UNKL: variants seen among roughly 807,000 people sequenced by gnomAD.
UNKL encodes the protein unk like zinc finger.
A neutral mutation model predicts 78.0 loss-of-function variants in UNKL; 60 were observed. That is an observed-to-expected ratio of 0.77 (90% CI 0.63 to 0.95). The LOEUF (loss-of-function observed/expected upper bound fraction) is 0.95, where lower values mean the gene tolerates loss of function less well. UNKL is among the 40% of genes least tolerant of loss of function. The probability of loss-of-function intolerance (pLI) is 0.00; values close to 1 mark genes in which losing one functional copy is unlikely to be tolerated. For missense variants in UNKL, 1,159 were observed against 1,045.7 expected (o/e 1.11, Z -1.49); for synonymous variants, 608 against 474.8 (o/e 1.28, Z -3.65).
chr16:1,377,455 A>T (rs1327544503), intron 10 of UNKL, among the ~76,000 whole-genome samples: 1 of 151,842 alleles, frequency 6.6e-6, no homozygotes, highest in African/African-American at 2.4e-5. Context: ...TGCTGTGCAC[A>T]GCCCTCCCTC....
chr16:1,396,679 C>T (rs971022522), intron 6 of UNKL, among the ~76,000 whole-genome samples: 3 of 152,078 alleles, frequency 2.0e-5, no homozygotes, highest in East Asian at 1.9e-4. Flanking sequence ...CTGCAAGCTC[C>T]GCCTCCTGGG....
In UNKL at chr16:1,366,013, A is replaced by C; in HGVS notation, c.*227T>G. The C allele has an allele frequency of 2.2e-6, 1 of 462,808 alleles. No homozygotes were observed. Among genetic ancestry groups the C allele is most frequent in the African/African-American group, 2.0e-5 (1 of 50,508 alleles). 28.7% of individuals were successfully genotyped at this position (462,808 alleles called of 1,614,324 possible). Reference sequence around the variant, plus strand: ...GTTTGCATTTAAGGTTTTTGAGGAAAATACCTTGAAACCGTCGGTAGGACT... The same window carrying C: ...GTTTGCATTTAAGGTTTTTGAGGAACATACCTTGAAACCGTCGGTAGGACT... On this transcript the variant is annotated 3_prime_UTR_variant, in exon 15 of 15. Coordinates refer to ENST00000389221, the MANE Select transcript of UNKL (RefSeq NM_001372107.1).
chr16:1,395,932 TC>T, intron 6 of UNKL: 1 of 367,042 alleles, frequency 2.7e-6, no homozygotes, highest in Non-Finnish European at 5.6e-6. Context: ...CCTGCACGCC[TC>T]CCCCTTGGCT....
intron 2 of UNKL, chr16:1,405,869 A>C (rs1016339130): frequency 2.2e-6 from 1 of 445,722 alleles, no homozygotes; most frequent in African/African-American, 2.0e-5. Context: ...CAGATCCTGG[A>C]GTGCAAGAAG....
At chr16:1,376,968 C>A (rs1365504615) in intron 10 of UNKL, among the ~76,000 whole-genome samples, 1 of 152,060 alleles carries the variant, frequency 6.6e-6, no homozygotes, top group Non-Finnish European at 1.5e-5. Context: ...TGTTTCCCTG[C>A]AACGCCACGT....
intron 5 of UNKL, 43 bp from the exon 6 acceptor site, chr16:1,397,338 C>T: frequency 2.1e-6 from 1 of 465,298 alleles, no homozygotes; most frequent in African/African-American, 3.6e-5. Context: ...GGACTTGGCT[C>T]CCCGCCCCCC....
At chr16:1,370,545 T>C (rs999340627) in intron 11 of UNKL, among the ~76,000 whole-genome samples, 188 bp from the exon 12 acceptor site, 5 of 152,080 alleles carry the variant, frequency 3.3e-5, no homozygotes, top group Non-Finnish European at 7.4e-5. Flanking sequence ...CCGGTGGCCA[T>C]GTCCAACACA....
At chr16:1,395,541 C>T (rs1267708190) in intron 6 of UNKL, 3 of 373,146 alleles carry the variant, frequency 8.0e-6, no homozygotes, top group Non-Finnish European at 1.1e-5. Context: ...CCTCCCTGTA[C>T]CGTCCATACC....
At chr16:1,398,720 A>T (rs368095576) in intron 5 of UNKL, 9 of 1,209,234 alleles carry the variant, frequency 7.4e-6, no homozygotes, top group East Asian at 8.1e-5. Flanking sequence ...TGCAGACAGG[A>T]GGCAAGCCAG....
At chr16:1,379,578 G>GTA in intron 10 of UNKL, 1 of 985,314 alleles carries the variant, frequency 1.0e-6, no homozygotes, top group Non-Finnish European at 1.2e-6. Flanking sequence ...TGACCGCCGA[G>GTA]TAACGAGACC....
intron 10 of UNKL, among the ~76,000 whole-genome samples, chr16:1,376,369 C>T (rs1469113820): frequency 6.7e-6 from 1 of 149,942 alleles, no homozygotes; most frequent in African/African-American, 2.5e-5. Flanking sequence ...TGCTCCTCTT[C>T]CCTCCTCCCT....
intron 1 of UNKL, among the ~76,000 whole-genome samples, chr16:1,414,282 A>G (rs1596792923): frequency 6.6e-6 from 1 of 151,174 alleles, no homozygotes; most frequent in Non-Finnish European, 1.5e-5. Flanking sequence ...CCCAAGCGCC[A>G]CCCCGGACCC....
At chr16:1,390,189 T>C (rs1207850450) in intron 9 of UNKL, among the ~76,000 whole-genome samples, 1 of 152,172 alleles carries the variant, frequency 6.6e-6, no homozygotes, top group African/African-American at 2.4e-5. Flanking sequence ...GGTTTCACCA[T>C]GTTGGCCAGG....
chr16:1,366,884 C>G (rs1233357627), intron 14 of UNKL, among the ~76,000 whole-genome samples: 2 of 152,216 alleles, frequency 1.3e-5, no homozygotes, highest in Non-Finnish European at 2.9e-5. Flanking sequence ...AAGGGCCAGC[C>G]TGACAGGAAA....
chr16:1,381,644 A>T (rs2036611472), intron 10 of UNKL, among the ~76,000 whole-genome samples: 2 of 152,244 alleles, frequency 1.3e-5, no homozygotes, highest in Admixed American at 1.3e-4. Flanking sequence ...CCAGACCCTC[A>T]TGGAGCTTTA....
Position 1,399,178 on chromosome 16 carries a change from C to T in UNKL, c.734+196G>A. On this transcript the variant is annotated intron_variant, in intron 5 of 14. Coordinates refer to ENST00000389221, the MANE Select transcript of UNKL (RefSeq NM_001372107.1). This position sits in a 1 kb window ranked among gnomAD's most constrained non-coding sequence, Gnocchi z 5.8. ...AGACACTGAGCGTAGGTGGGGAGGC[C>T]CATCCCCAGGACAGACGCGTGGGCC... 1 of 1,140,806 alleles carries T rather than the reference C, an allele frequency of 8.8e-7. No individual in the cohort carries two copies. The highest frequency in any genetic ancestry group is 1.2e-6 in the Non-Finnish European group (1 of 835,486). The allele number at this position is 1,140,806 out of a possible 1,614,324, so 70.7% of individuals were successfully genotyped here. A position where few individuals can be genotyped will look rare whatever the true frequency, so the allele number is the denominator to read the frequency against.
At chr16:1,376,777 GTCC>G (rs1178400159) in intron 10 of UNKL, among the ~76,000 whole-genome samples, 3 of 152,016 alleles carry the variant, frequency 2.0e-5, no homozygotes, top group African/African-American at 7.3e-5. Context: ...CTATACGAAC[GTCC>G]TCATTTGCAC....
At chr16:1,397,126 T>G in intron 6 of UNKL, 52 bp downstream of exon 6, 5 of 1,522,540 alleles carry the variant, frequency 3.3e-6, no homozygotes, top group South Asian at 1.2e-5. Flanking sequence ...ACCCCACAGC[T>G]TCTCTGGGAC....
intron 11 of UNKL, among the ~76,000 whole-genome samples, chr16:1,371,163 G>A (rs117421297): frequency 0.016 from 2,425 of 152,184 alleles, 22 homozygotes; most frequent in Non-Finnish European, 0.021. Flanking sequence ...ATCCTTCGGG[G>A]ACCATCAAGA....
Sources: allele counts gnomAD v4.1 joint callset (sites outside exome capture counted in the v4.1 genomes callset), GRCh38; gene constraint gnomAD v4.1.1; non-coding constraint Gnocchi (gnomAD v3.1); transcripts MANE v1.5; gene names NCBI Gene and HGNC (gene_info 2026-07-23, HGNC 2026-07-21).